The following ROBO2 variants were observed in gnomAD, a reference collection of about 807,000 sequenced individuals.
The protein encoded by ROBO2 is roundabout guidance receptor 2, also known as roundabout homolog 2.
Under a neutral mutation model 160.8 loss-of-function variants are expected in ROBO2, and 53 were observed. That is an observed-to-expected ratio of 0.33 (90% CI 0.26 to 0.41). The LOEUF is 0.41. Among genes scored for constraint, ROBO2 ranks in the 10% least tolerant of loss-of-function variants. ROBO2 has a pLI of 1.00. For synonymous variants in ROBO2, 664 were observed against 611.7 expected (o/e 1.09, Z -1.26); for missense variants, 1,577 against 1,722.4 (o/e 0.92, Z 1.49).
chr3:76,892,552 T>C (rs1287907864), intron 2 of ROBO2, among the ~76,000 whole-genome samples: 1 of 152,188 alleles, frequency 6.6e-6, no homozygotes, highest in African/African-American at 2.4e-5. Flanking sequence ...TCTTTTTACC[T>C]GACTGATTTC....
chr3:76,425,159 A>C (rs1182370565), intron 2 of ROBO2, among the ~76,000 whole-genome samples: 1 of 150,686 alleles, frequency 6.6e-6, no homozygotes, highest in East Asian at 1.9e-4. Flanking sequence ...GGGCCTTTCC[A>C]CCTGCCATTC....
intron 2 of ROBO2, among the ~76,000 whole-genome samples, chr3:77,316,296 G>T (rs1442800217): frequency 6.6e-6 from 1 of 151,980 alleles, no homozygotes; most frequent in Non-Finnish European, 1.5e-5. Context: ...GATGAACTGC[G>T]GTGGGAACAG....
At chr3:77,574,407 A>G in intron 13 of ROBO2, 92 bp from the exon 15 acceptor site, 3 of 1,060,450 alleles carry the variant, frequency 2.8e-6, no homozygotes, top group Admixed American at 1.8e-5. Context: ...AGTTATGAGG[A>G]CAGAAATGGG....
chr3:76,522,113 C>T (rs190170670), intron 2 of ROBO2, among the ~76,000 whole-genome samples: 48 of 152,038 alleles, frequency 3.2e-4, no homozygotes, highest in African/African-American at 9.6e-4. Context: ...GCATTGTGGG[C>T]GGTATGCAAA....
intron 2 of ROBO2, among the ~76,000 whole-genome samples, chr3:76,825,599 T>C: frequency 1.6e-5 from 1 of 62,988 alleles, no homozygotes; most frequent in African/African-American, 5.7e-5. Flanking sequence ...TTCATCATCT[T>C]AGCCAAAAAA....
At chr3:77,063,269 T>C (rs1578645499) in intron 1 of ROBO2, among the ~76,000 whole-genome samples, 1 of 151,736 alleles carries the variant, frequency 6.6e-6, no homozygotes, top group Non-Finnish European at 1.5e-5. Flanking sequence ...GGGAGAGGAG[T>C]GTACGTGTCT....
intron 16 of ROBO2, 152 bp from the exon 18 acceptor site, chr3:77,588,599 T>C (rs1318608254): frequency 4.4e-6 from 3 of 682,894 alleles, no homozygotes; most frequent in East Asian, 5.5e-5. Context: ...TTGAAAATTA[T>C]GGGCTATGCT....
intron 2 of ROBO2, among the ~76,000 whole-genome samples, chr3:76,842,364 T>C (rs1324731049): frequency 6.6e-6 from 1 of 152,192 alleles, no homozygotes; most frequent in African/African-American, 2.4e-5. Flanking sequence ...TTAAAACAAG[T>C]GTTCCTTGTC....
At chr3:76,563,767 C>T (rs1327921811) in intron 2 of ROBO2, among the ~76,000 whole-genome samples, 2 of 152,078 alleles carry the variant, frequency 1.3e-5, no homozygotes, top group African/African-American at 2.4e-5. Context: ...TATATGTTAT[C>T]ATAATAAGAA....
intron 2 of ROBO2, among the ~76,000 whole-genome samples, chr3:77,112,054 A>T (rs1012531625): frequency 2.9e-4 from 44 of 151,876 alleles, no homozygotes; most frequent in Non-Finnish European, 5.9e-5. Context: ...TCTACAAAAA[A>T]ATACAATAGT....
intron 2 of ROBO2, among the ~76,000 whole-genome samples, chr3:76,958,562 A>G (rs1016896440): frequency 6.6e-6 from 1 of 152,202 alleles, no homozygotes; most frequent in Non-Finnish European, 1.5e-5. Flanking sequence ...CCAACATCTC[A>G]GAGTTTTTTA....
intron 2 of ROBO2, among the ~76,000 whole-genome samples, chr3:76,942,202 T>G (rs955666740): frequency 6.6e-6 from 1 of 152,236 alleles, no homozygotes; most frequent in Admixed American, 6.5e-5. Flanking sequence ...AACTTCCTCC[T>G]GTTGAAACTC....
chr3:76,585,104 T>G (rs1366647180), intron 2 of ROBO2, among the ~76,000 whole-genome samples: 3 of 152,238 alleles, frequency 2.0e-5, no homozygotes, highest in Non-Finnish European at 4.4e-5. Flanking sequence ...GTGCCTATTA[T>G]GTGCCAGGCG....
At chr3:75,960,940 T>C (rs1948888973) in intron 2 of ROBO2, among the ~76,000 whole-genome samples, 1 of 151,734 alleles carries the variant, frequency 6.6e-6, no homozygotes, top group South Asian at 2.1e-4. Context: ...TTAACTATCA[T>C]TGACAAAATT....
intron 2 of ROBO2, among the ~76,000 whole-genome samples, chr3:76,963,188 T>C (rs1353316324): frequency 6.6e-6 from 1 of 152,152 alleles, no homozygotes; most frequent in Non-Finnish European, 1.5e-5. Context: ...AAATGTATAT[T>C]CTCAGCTAAG....
chr3:76,435,357 G>A (rs1479576417), intron 2 of ROBO2: 1 of 794,938 alleles, frequency 1.3e-6, no homozygotes, highest in African/African-American at 1.7e-5. Context: ...TGAATTCCCA[G>A]TTCTTGAACA....
At chr3:76,529,718 A>G (rs977628371) in intron 2 of ROBO2, among the ~76,000 whole-genome samples, 3 of 152,160 alleles carry the variant, frequency 2.0e-5, no homozygotes, top group African/African-American at 2.4e-5. Flanking sequence ...ATAATTTAAG[A>G]TATCAGTGGG....
chr3:76,719,379 G>T (rs2093430335), intron 2 of ROBO2, among the ~76,000 whole-genome samples: 1 of 152,032 alleles, frequency 6.6e-6, no homozygotes, highest in Non-Finnish European at 1.5e-5. Flanking sequence ...CTCTCATCCA[G>T]GCTGGTGTGC....
At chr3:75,978,099 A>G (rs1200307097) in intron 2 of ROBO2, among the ~76,000 whole-genome samples, 1 of 151,590 alleles carries the variant, frequency 6.6e-6, no homozygotes, top group African/African-American at 2.4e-5. Context: ...AATCAGCGAT[A>G]GTAGTTTTCA....
Sources: gnomAD v4.1 joint callset for allele counts (sites outside exome capture counted in the v4.1 genomes callset) on GRCh38, gnomAD v4.1.1 for gene constraint, MANE v1.5 for transcripts, NCBI Gene and HGNC (gene_info 2026-07-23, HGNC 2026-07-21) for gene names.